The following C12orf54 variants were observed in gnomAD, a reference collection of about 807,000 sequenced individuals.
C12orf54 encodes chromosome 12 open reading frame 54.
In C12orf54, 24 loss-of-function variants were observed where a neutral mutation model predicts 26.4. That is an observed-to-expected ratio of 0.91 (90% CI 0.66 to 1.28). The LOEUF (loss-of-function observed/expected upper bound fraction) is 1.28, where lower values mean the gene tolerates loss of function less well. Ranked by LOEUF, C12orf54 falls within the 50% of genes most tolerant of loss-of-function variation. The probability of loss-of-function intolerance (pLI) is 0.00; values close to 1 mark genes in which losing one functional copy is unlikely to be tolerated. For synonymous variants in C12orf54, 54 were observed against 47.0 expected (o/e 1.15, Z -0.61); for missense variants, 154 against 150.9 (o/e 1.02, Z -0.11).
At chr12:48,460,210 G>T in the C12orf54 span, among the ~76,000 whole-genome samples, 1 of 113,460 alleles carries the variant, frequency 8.8e-6, no homozygotes, top group South Asian at 3.6e-4. Context: ...AGTTGATTTT[G>T]GGGGTCATAC....
At chr12:48,460,786 T>G in the C12orf54 span, among the ~76,000 whole-genome samples, 1 of 152,148 alleles carries the variant, frequency 6.6e-6, no homozygotes, top group East Asian at 1.9e-4. Context: ...GTAACACAGA[T>G]GTAGTTATAC....
At chr12:48,421,891 G>T in the C12orf54 span, among the ~76,000 whole-genome samples, 1 of 152,108 alleles carries the variant, frequency 6.6e-6, no homozygotes, top group African/African-American at 2.4e-5. Context: ...TGAAACCACT[G>T]TATGAACACT....
the C12orf54 span, chr12:48,473,498 T>G: frequency 2.5e-6 from 1 of 396,446 alleles, no homozygotes; most frequent in Non-Finnish European, 4.7e-6. Flanking sequence ...TCCTGCCCCC[T>G]GAAACTTATT....
chr12:48,477,943 G>A (rs537237707), upstream of C12orf54, among the ~76,000 whole-genome samples: 10 of 151,928 alleles, frequency 6.6e-5, no homozygotes, highest in Non-Finnish European at 1.0e-4. Flanking sequence ...AGACACAACC[G>A]AAAAAGAGAA....
chr12:48,438,153 G>A, the C12orf54 span, among the ~76,000 whole-genome samples: 173 of 152,224 alleles, frequency 1.1e-3, no homozygotes, highest in African/African-American at 3.4e-3. Context: ...CCCATTCACA[G>A]TTGCTTCAAA....
the C12orf54 span, chr12:48,473,157 G>C: frequency 4.5e-6 from 7 of 1,553,930 alleles, no homozygotes; most frequent in Non-Finnish European, 6.2e-6. Context: ...GGGCTTTGTG[G>C]AGTGCCTGGA....
the C12orf54 span, among the ~76,000 whole-genome samples, chr12:48,418,420 G>C: frequency 1.3e-5 from 2 of 152,146 alleles, no homozygotes; most frequent in East Asian, 3.9e-4. Context: ...ATTGTTGTGT[G>C]ATTTTTCTCC....
At chr12:48,414,135 T>C in the C12orf54 span, among the ~76,000 whole-genome samples, 1 of 152,256 alleles carries the variant, frequency 6.6e-6, no homozygotes, top group Non-Finnish European at 1.5e-5. Flanking sequence ...GTTCATGACC[T>C]ACTTTTGTGA....
the C12orf54 span, among the ~76,000 whole-genome samples, chr12:48,437,590 G>A: frequency 6.6e-6 from 1 of 152,110 alleles, no homozygotes; most frequent in African/African-American, 2.4e-5. Context: ...TGCAAGGCTG[G>A]TTCAACATAA....
chr12:48,447,242 G>GTA, the C12orf54 span, among the ~76,000 whole-genome samples: 1 of 151,954 alleles, frequency 6.6e-6, no homozygotes, highest in South Asian at 2.1e-4. Context: ...GTGTGTGTGT[G>GTA]TGTGTGTGTC....
chr12:48,453,127 G>T, the C12orf54 span, among the ~76,000 whole-genome samples: 1 of 152,068 alleles, frequency 6.6e-6, no homozygotes, highest in Non-Finnish European at 1.5e-5. Flanking sequence ...AGGAAAATGT[G>T]GTACATACAT....
chr12:48,486,704 T>A lies in C12orf54; in HGVS notation c.113T>A (p.Ile38Asn). 1 of 1,613,424 alleles carries A rather than the reference T, an allele frequency of 6.2e-7. No homozygotes were observed. The highest frequency in any genetic ancestry group is 8.5e-7 in the Non-Finnish European group (1 of 1,179,352). Residue 38 changes from isoleucine (I) to asparagine (N), a missense_variant, in exon 4 of 9, where the codon ATC becomes AAC. Coordinates refer to ENST00000548364, the MANE Select transcript of C12orf54 (RefSeq NM_152319.4). Reference sequence around the variant, plus strand: ...TTTCTACAGGAAAAACAGGTAACCATCACTGAAACCCTGTGGGACCAGGTG... The same window carrying A: ...TTTCTACAGGAAAAACAGGTAACCAACACTGAAACCCTGTGGGACCAGGTG... ...TMRPQEKQVT[I>N]TETLWDQVLT...
the C12orf54 span, among the ~76,000 whole-genome samples, chr12:48,414,517 ATCC>A: frequency 6.6e-6 from 1 of 152,198 alleles, no homozygotes; most frequent in African/African-American, 2.4e-5. Context: ...GGCTTGGGCT[ATCC>A]TCTTTTTCTT....
chr12:48,446,880 C>T, the C12orf54 span, among the ~76,000 whole-genome samples: 51 of 152,284 alleles, frequency 3.3e-4, no homozygotes, highest in African/African-American at 1.1e-3. Flanking sequence ...TCAGTGGATA[C>T]ATTTGACACA....
the C12orf54 span, chr12:48,473,020 A>G: frequency 6.2e-7 from 1 of 1,614,110 alleles, no homozygotes; most frequent in Non-Finnish European, 8.5e-7. Context: ...GAGAGCTTAG[A>G]CCTTTTCACT....
At chr12:48,454,692 C>T in the C12orf54 span, among the ~76,000 whole-genome samples, 1 of 152,276 alleles carries the variant, frequency 6.6e-6, no homozygotes, top group African/African-American at 2.4e-5. Context: ...CTTTGACTCT[C>T]TTTTTAAGAT....
At chr12:48,437,645 C>A in the C12orf54 span, among the ~76,000 whole-genome samples, 1 of 152,234 alleles carries the variant, frequency 6.6e-6, no homozygotes, top group South Asian at 2.1e-4. Flanking sequence ...GAACCAAAGA[C>A]AAAAACCACT....
the C12orf54 span, among the ~76,000 whole-genome samples, chr12:48,471,373 T>A: frequency 6.6e-6 from 1 of 152,188 alleles, no homozygotes; most frequent in African/African-American, 2.4e-5. Flanking sequence ...TGCTTCCAAA[T>A]CTTAGTAAAC....
chr12:48,490,799 C>T lies in C12orf54; in HGVS notation c.169-13C>T, dbSNP rs781216294. The T allele has an allele frequency of 2.5e-6, 4 of 1,613,438 alleles. No homozygotes were observed. Among genetic ancestry groups the T allele is most frequent in the Non-Finnish European group, 3.4e-6 (4 of 1,179,486 alleles). On this transcript the variant is annotated splice_polypyrimidine_tract_variant and intron_variant, in intron 5 of 8. Coordinates refer to ENST00000548364, the MANE Select transcript of C12orf54 (RefSeq NM_152319.4). ...CCCCCATCATCTCTGACTGTATTCTCATTATTTTTCAGCTGCAGGAAGATG... is the reference window on the plus strand; with the variant it reads ...CCCCCATCATCTCTGACTGTATTCTTATTATTTTTCAGCTGCAGGAAGATG...
Sources: gnomAD v4.1 joint callset for allele counts (sites outside exome capture counted in the v4.1 genomes callset) on GRCh38, gnomAD v4.1.1 for gene constraint, MANE v1.5 for transcripts, NCBI Gene and HGNC (gene_info 2026-07-23, HGNC 2026-07-21) for gene names.